MRPL21: variants seen among roughly 807,000 people sequenced by gnomAD.
MRPL21 encodes mitochondrial ribosomal protein L21.
Under a neutral mutation model 27.3 loss-of-function variants are expected in MRPL21, and 20 were observed. The ratio of observed to expected loss-of-function variants is 0.73; its 90% confidence interval spans 0.52 to 1.06. The LOEUF (loss-of-function observed/expected upper bound fraction) is 1.06, where lower values mean the gene tolerates loss of function less well. Ranked by LOEUF, MRPL21 falls within the 50% of genes least tolerant of loss-of-function variation. MRPL21 has a pLI of 0.00. For synonymous variants in MRPL21, 98 were observed against 101.5 expected (o/e 0.97, Z 0.21); for missense variants, 249 against 251.4 (o/e 0.99, Z 0.06).
intron 4 of MRPL21, 85 bp from the exon 5 acceptor site, chr11:68,893,540 C>T: frequency 6.6e-7 from 1 of 1,514,028 alleles, no homozygotes; most frequent in Non-Finnish European, 9.1e-7. Flanking sequence ...GATGTCAACA[C>T]CACACAAAAT....
intron 4 of MRPL21, among the ~76,000 whole-genome samples, chr11:68,895,123 G>C (rs1473714075): frequency 1.3e-5 from 2 of 151,904 alleles, no homozygotes; most frequent in Admixed American, 1.3e-4. Context: ...AATTAGCCAG[G>C]CATGGTAGTG....
chr11:68,895,798 T>C (rs1402690950), intron 4 of MRPL21, among the ~76,000 whole-genome samples: 4 of 152,270 alleles, frequency 2.6e-5, no homozygotes, highest in Non-Finnish European at 5.9e-5. Flanking sequence ...GCCCCACAAA[T>C]AGCTGGGACT....
chr11:68,891,970 G>C, intron 6 of MRPL21: 2 of 793,558 alleles, frequency 2.5e-6, no homozygotes, highest in Non-Finnish European at 3.6e-6. Flanking sequence ...TGCTAGGACA[G>C]CCCTACACCT....
chr11:68,900,058 T>C (rs533392862), intron 2 of MRPL21, among the ~76,000 whole-genome samples: 12 of 152,358 alleles, frequency 7.9e-5, no homozygotes, highest in Admixed American at 2.6e-4. Context: ...TGGAACTTTG[T>C]CGAATGTTTT....
intron 4 of MRPL21, among the ~76,000 whole-genome samples, chr11:68,894,650 CAACTT>C (rs1451674089): frequency 3.3e-5 from 5 of 152,208 alleles, no homozygotes; most frequent in Admixed American, 6.5e-5. Flanking sequence ...CAATCATACT[CAACTT>C]AAATGTCTAG....
chr11:68,898,101 A>C (rs947771970), intron 2 of MRPL21, 89 bp from the exon 3 acceptor site: 1 of 1,095,216 alleles, frequency 9.1e-7, no homozygotes, highest in African/African-American at 1.5e-5. Context: ...AAATGTTAGG[A>C]AGGGATCCCC....
chr11:68,895,061 T>C (rs956290630), intron 4 of MRPL21, among the ~76,000 whole-genome samples: 14 of 152,070 alleles, frequency 9.2e-5, no homozygotes, highest in Non-Finnish European at 1.9e-4. Context: ...GGTTGGGAGT[T>C]CAAGACCAGC....
intron 4 of MRPL21, 140 bp downstream of exon 4, chr11:68,896,375 G>T: frequency 3.5e-6 from 4 of 1,142,972 alleles, no homozygotes; most frequent in Non-Finnish European, 2.5e-6. Flanking sequence ...GCCCCCCAAA[G>T]TCCCTTCTGA....
At chr11:68,895,170 A>G (rs1350974858) in intron 4 of MRPL21, among the ~76,000 whole-genome samples, 1 of 152,178 alleles carries the variant, frequency 6.6e-6, no homozygotes, top group African/African-American at 2.4e-5. Context: ...AGGCTGAGGC[A>G]GGAGAATCAC....
intron 5 of MRPL21, 134 bp downstream of exon 5, chr11:68,893,269 A>G: frequency 2.0e-6 from 3 of 1,493,664 alleles, no homozygotes; most frequent in Non-Finnish European, 8.9e-7. Context: ...CACTATTATT[A>G]AGTATAAATG....
At chr11:68,891,942 A>G (rs1178350601) in intron 6 of MRPL21, 4 of 602,708 alleles carry the variant, frequency 6.6e-6, no homozygotes, top group African/African-American at 5.5e-5. Context: ...ACTATGGGGG[A>G]TGTCCTCAGT....
intron 4 of MRPL21, 145 bp from the exon 5 acceptor site, chr11:68,893,600 T>G: frequency 2.7e-6 from 3 of 1,126,492 alleles, no homozygotes; most frequent in Non-Finnish European, 2.6e-6. Flanking sequence ...TGTCTAATGA[T>G]CTCTTTAATA....
Position 68,897,918 on chromosome 11 carries a change from A to T in MRPL21, c.232+9T>A. 1.2e-6 allele frequency: 2 copies of T among 1,611,566 alleles called. No individual in the cohort carries two copies. The highest frequency in any genetic ancestry group is 1.7e-6 in the Non-Finnish European group (2 of 1,177,738). On this transcript the variant is annotated intron_variant, in intron 3 of 6. Coordinates refer to ENST00000362034, the MANE Select transcript of MRPL21 (RefSeq NM_181514.2). ...GCCCTCTAGCTTCTGTCTCCCAGGG[A>T]GGTCTTACCTGCATGGTGTCTGGTC...
intron 1 of MRPL21, among the ~76,000 whole-genome samples, chr11:68,902,825 T>C (rs1466737704): frequency 7.2e-5 from 11 of 152,054 alleles, no homozygotes; most frequent in Non-Finnish European, 1.5e-5. Context: ...CCAATCCTCT[T>C]ACCCCCCATG....
At chr11:68,894,312 G>A (rs1857731176) in intron 4 of MRPL21, among the ~76,000 whole-genome samples, 1 of 152,066 alleles carries the variant, frequency 6.6e-6, no homozygotes, top group African/African-American at 2.4e-5. Context: ...CCAGAGTCTC[G>A]CTCTGTCACC....
chr11:68,899,697 C>T (rs1271062027), intron 2 of MRPL21, among the ~76,000 whole-genome samples: 1 of 152,154 alleles, frequency 6.6e-6, no homozygotes, highest in Non-Finnish European at 1.5e-5. Flanking sequence ...CACAACCTAC[C>T]CACATGCTCA....
At position 68,896,507 on chromosome 11, in the gene MRPL21, G is replaced by A; in HGVS notation, c.396+8C>T. 1 of 1,613,748 alleles carries A rather than the reference G, an allele frequency of 6.2e-7. No homozygotes were observed. The highest frequency in any genetic ancestry group is 8.5e-7 in the Non-Finnish European group (1 of 1,179,642). On this transcript the variant is annotated splice_region_variant and intron_variant, in intron 4 of 6. Coordinates refer to ENST00000362034, the MANE Select transcript of MRPL21 (RefSeq NM_181514.2). ...CCCTGAATATCCAGAGAAGCTCGGTGGTCTCACCTTCTCCAGTCGAATTCT... is the reference window on the plus strand; with the variant it reads ...CCCTGAATATCCAGAGAAGCTCGGTAGTCTCACCTTCTCCAGTCGAATTCT...
At chr11:68,900,399 C>T (rs749960262) in intron 2 of MRPL21, 149 bp downstream of exon 2, 21 of 806,546 alleles carry the variant, frequency 2.6e-5, no homozygotes, top group Non-Finnish European at 4.2e-5. Flanking sequence ...CAAAACCAGT[C>T]TGGGAAACAT....
chr11:68,903,099 C>G (rs1219255639), intron 1 of MRPL21, among the ~76,000 whole-genome samples: 1 of 152,136 alleles, frequency 6.6e-6, no homozygotes, highest in African/African-American at 2.4e-5. Flanking sequence ...CTTTTAATAT[C>G]GTCCAATATA....
Sources: allele counts gnomAD v4.1 joint callset (sites outside exome capture counted in the v4.1 genomes callset), GRCh38; gene constraint gnomAD v4.1.1; transcripts MANE v1.5; gene names NCBI Gene and HGNC (gene_info 2026-07-23, HGNC 2026-07-21).